The following IQCM variants were observed in gnomAD, a reference collection of about 807,000 sequenced individuals.
IQCM encodes IQ domain-containing protein M.
IQCM carries 45 observed loss-of-function variants against 57.6 expected under a neutral mutation model. The observed-to-expected ratio is 0.78, with a 90% confidence interval of 0.62 to 1.00. The LOEUF is 1.00. IQCM is among the 50% of genes least tolerant of loss of function. IQCM has a pLI of 0.00. For synonymous variants in IQCM, 148 were observed against 158.9 expected (o/e 0.93, Z 0.51); for missense variants, 468 against 511.6 (o/e 0.91, Z 0.82).
At position 149,713,182 on chromosome 4, in the gene IQCM, G is replaced by A. The variant is rs767452311; in HGVS notation, c.385+20062C>T. ...CCAATCACCACTTTCTCCTTTCTTC[G>A]GGTTATTCCCTATCACCAACAACGC... On this transcript the variant is annotated intron_variant, in intron 5 of 13. Coordinates refer to ENST00000636793, the MANE Select transcript of IQCM (RefSeq NM_001363507.2). 4.0e-4 allele frequency among the ~76,000 whole-genome samples: 61 copies of A among 151,996 alleles called. 1 individual carries two copies. The highest frequency in any genetic ancestry group is 5.1e-4 in the African/African-American group (21 of 41,472).
chr4:149,507,709 A>G (rs1449573533), intron 12 of IQCM, among the ~76,000 whole-genome samples: 1 of 152,188 alleles, frequency 6.6e-6, no homozygotes, highest in Non-Finnish European at 1.5e-5. Context: ...TTGCAGCATG[A>G]CAATGCAATA....
At chr4:149,591,522 T>A (rs1400504721) in intron 8 of IQCM, among the ~76,000 whole-genome samples, 1 of 152,062 alleles carries the variant, frequency 6.6e-6, no homozygotes, top group African/African-American at 2.4e-5. Flanking sequence ...TACATATGTA[T>A]ACATGTGCCA....
chr4:149,724,264 G>A (rs915638530), intron 5 of IQCM, among the ~76,000 whole-genome samples: 1 of 151,938 alleles, frequency 6.6e-6, no homozygotes, highest in East Asian at 1.9e-4. Flanking sequence ...AAACATTGTT[G>A]ATCAAAAAAC....
chr4:149,534,073 A>C (rs1165155169), intron 12 of IQCM, among the ~76,000 whole-genome samples: 1 of 152,142 alleles, frequency 6.6e-6, no homozygotes, highest in Non-Finnish European at 1.5e-5. Flanking sequence ...TATATTGATT[A>C]TCCTTTAATC....
intron 12 of IQCM, chr4:149,514,596 C>G (rs1744750968): frequency 6.6e-6 from 1 of 152,238 alleles, no homozygotes; most frequent in African/African-American, 2.4e-5. Context: ...TTCATCTGGT[C>G]TAGGCTGGGC....
rs567309486 is a variant in IQCM, at chr4:149,434,143, T to C, written c.1229-586A>G. On this transcript the variant is annotated intron_variant, in intron 12 of 13. Coordinates refer to ENST00000636793, the MANE Select transcript of IQCM (RefSeq NM_001363507.2). ...TAACATACCTGTAAGGTAACTCCTA[T>C]TATTATTTCCTTTTACATGTACAAA... is the stretch of plus-strand genomic sequence containing the variant. Among the ~76,000 whole-genome samples the C allele has an allele frequency of 1.3e-4, 20 of 152,212 alleles. No individual in the cohort carries two copies. The East Asian group carries it at 3.9e-3, about 29-fold the overall frequency.
chr4:149,808,884 T>C (rs1375308332), intron 2 of IQCM, among the ~76,000 whole-genome samples: 1 of 152,182 alleles, frequency 6.6e-6, no homozygotes, highest in Non-Finnish European at 1.5e-5. Context: ...TTTGATGAGT[T>C]GTCTTGTAAG....
At chr4:149,518,917 G>A (rs1203992698) in intron 12 of IQCM, among the ~76,000 whole-genome samples, 1 of 151,992 alleles carries the variant, frequency 6.6e-6, no homozygotes, top group African/African-American at 2.4e-5. Flanking sequence ...TTAGGGAAGA[G>A]GTAAAAAGGA....
intron 13 of IQCM, among the ~76,000 whole-genome samples, chr4:149,414,924 T>C (rs1401865134): frequency 1.3e-5 from 2 of 152,110 alleles, no homozygotes; most frequent in East Asian, 1.9e-4. Flanking sequence ...CTCTGGCTTG[T>C]AGATTCATGA....
At position 149,416,360 on chromosome 4, in the gene IQCM, G is replaced by T. The variant is rs1396997445; in HGVS notation, c.1390+17036C>A. On this transcript the variant is annotated intron_variant, in intron 13 of 13. Transcript: ENST00000636793. ...AATTTTTTTTAGAAACTGGTACATGGTCTCTATAAATTAGAAGTCCGCATT... is the reference window on the plus strand; with the variant it reads ...AATTTTTTTTAGAAACTGGTACATGTTCTCTATAAATTAGAAGTCCGCATT... Among the ~76,000 whole-genome samples the T allele has an allele frequency of 2.6e-5, 4 of 151,962 alleles. No homozygotes were observed. The East Asian group carries it at 7.7e-4, about 29-fold the overall frequency.
chr4:149,445,996 G>A (rs1385789956), intron 12 of IQCM, among the ~76,000 whole-genome samples: 1 of 151,656 alleles, frequency 6.6e-6, no homozygotes, highest in East Asian at 1.9e-4. Context: ...CTTCTCAATT[G>A]TGTAGCATTT....
chr4:149,668,537 G>A (rs367665294), intron 7 of IQCM, among the ~76,000 whole-genome samples: 3 of 152,098 alleles, frequency 2.0e-5, no homozygotes, highest in Admixed American at 6.5e-5. Flanking sequence ...GAGGGATAAC[G>A]TTAGGGGAAA....
intron 2 of IQCM, among the ~76,000 whole-genome samples, chr4:149,772,882 T>C (rs1770716826): frequency 6.6e-6 from 1 of 152,204 alleles, no homozygotes; most frequent in African/African-American, 2.4e-5. Context: ...AAACACTTTG[T>C]GGAACATGTT....
chr4:149,734,152 T>C (rs1766717447), intron 4 of IQCM, among the ~76,000 whole-genome samples: 1 of 152,084 alleles, frequency 6.6e-6, no homozygotes, highest in African/African-American at 2.4e-5. Context: ...AGTTCTTCCC[T>C]ATTCCCCCAA....
At chr4:149,520,015 AAAAC>A (rs749861924) in intron 12 of IQCM, among the ~76,000 whole-genome samples, 3 of 152,166 alleles carry the variant, frequency 2.0e-5, no homozygotes, top group Non-Finnish European at 4.4e-5. Context: ...AAAGAAAACA[AAAAC>A]AAAAATAAAA....
At chr4:149,606,131 A>T (rs1433236895) in intron 8 of IQCM, among the ~76,000 whole-genome samples, 5 of 152,184 alleles carry the variant, frequency 3.3e-5, no homozygotes, top group Non-Finnish European at 7.3e-5. Flanking sequence ...GGTGAAACCC[A>T]GTTCTGTGCT....
At chr4:149,712,126 C>T (rs1297365775) in intron 5 of IQCM, among the ~76,000 whole-genome samples, 1 of 151,554 alleles carries the variant, frequency 6.6e-6, no homozygotes, top group Non-Finnish European at 1.5e-5. Flanking sequence ...ACATTCCACA[C>T]TTTAGGCACT....
At chr4:149,448,111 T>C (rs1736708236) in intron 12 of IQCM, among the ~76,000 whole-genome samples, 2 of 151,706 alleles carry the variant, frequency 1.3e-5, no homozygotes, top group Admixed American at 6.6e-5. Context: ...TGTTCCATGA[T>C]TGATTAAATT....
At chr4:149,773,733 T>C (rs1770811622) in intron 2 of IQCM, among the ~76,000 whole-genome samples, 2 of 152,184 alleles carry the variant, frequency 1.3e-5, no homozygotes, top group African/African-American at 2.4e-5. Flanking sequence ...TTTAAATGAG[T>C]TGACTGCTGT....
Sources: gnomAD v4.1 joint callset for allele counts (sites outside exome capture counted in the v4.1 genomes callset) on GRCh38, gnomAD v4.1.1 for gene constraint, MANE v1.5 for transcripts, NCBI Gene and HGNC (gene_info 2026-07-23, HGNC 2026-07-21) for gene names.